The following PPP2R3A variants were observed in gnomAD, a reference collection of about 807,000 sequenced individuals.
PPP2R3A encodes the protein protein phosphatase 2 regulatory subunit B''alpha.
In PPP2R3A, 80 loss-of-function variants were observed where a neutral mutation model predicts 106.9. The ratio of observed to expected loss-of-function variants is 0.75; its 90% CI spans 0.62 to 0.90. The LOEUF (loss-of-function observed/expected upper bound fraction) is 0.90. Among genes scored for constraint, PPP2R3A ranks in the 40% least tolerant of loss-of-function variants. PPP2R3A has a pLI of 0.00. For synonymous variants in PPP2R3A, 483 were observed against 468.3 expected (o/e 1.03, Z -0.41); for missense variants, 1,386 against 1,350.4 (o/e 1.03, Z -0.41).
At chr3:136,096,179 AT>A (rs1001175126) in intron 10 of PPP2R3A, among the ~76,000 whole-genome samples, 4 of 152,188 alleles carry the variant, frequency 2.6e-5, no homozygotes, top group African/African-American at 9.7e-5. Flanking sequence ...CTTTCACCCC[AT>A]TGTAAAGTCA....
intron 6 of PPP2R3A, among the ~76,000 whole-genome samples, chr3:136,077,831 C>G (rs1171058521): frequency 6.6e-6 from 1 of 152,100 alleles, no homozygotes; most frequent in Admixed American, 6.5e-5. Flanking sequence ...TGTTCATGCC[C>G]AAATAAAAGT....
chr3:136,137,832 C>T (rs566509957), intron 13 of PPP2R3A, among the ~76,000 whole-genome samples: 5 of 151,262 alleles, frequency 3.3e-5, no homozygotes, highest in African/African-American at 9.7e-5. Context: ...TGAGCCACCG[C>T]GCCCGGCCTC....
At chr3:136,119,816 T>A (rs748705109) in intron 13 of PPP2R3A, among the ~76,000 whole-genome samples, 74 of 152,326 alleles carry the variant, frequency 4.9e-4, no homozygotes, top group Non-Finnish European at 6.5e-4. Flanking sequence ...CTCAAGGATC[T>A]AGAACTAGAA....
chr3:136,076,417 C>T (rs1157614757), intron 6 of PPP2R3A, among the ~76,000 whole-genome samples: 1 of 152,114 alleles, frequency 6.6e-6, no homozygotes, highest in African/African-American at 2.4e-5. Context: ...GTGGTTTTTG[C>T]ACATTATATA....
At chr3:135,998,659 C>T (rs566646808) in intron 1 of PPP2R3A, among the ~76,000 whole-genome samples, 16 of 152,074 alleles carry the variant, frequency 1.1e-4, no homozygotes, top group African/African-American at 2.9e-4. Flanking sequence ...AACTGGAGAG[C>T]TATGTAAAAT....
At chr3:136,021,076 G>A (rs999794157) in intron 2 of PPP2R3A, among the ~76,000 whole-genome samples, 4 of 152,196 alleles carry the variant, frequency 2.6e-5, no homozygotes, top group South Asian at 2.1e-4. Flanking sequence ...TTGGTGTTGG[G>A]AAGGAGAGGA....
intron 1 of PPP2R3A, among the ~76,000 whole-genome samples, chr3:135,983,844 T>C (rs990357208): frequency 3.9e-5 from 6 of 152,332 alleles, no homozygotes; most frequent in Admixed American, 1.3e-4. Context: ...ACTTACAAAG[T>C]TTGACAACAA....
chr3:136,113,588 CGA>C (rs1937632952), intron 13 of PPP2R3A, among the ~76,000 whole-genome samples: 2 of 152,012 alleles, frequency 1.3e-5, no homozygotes, highest in African/African-American at 4.8e-5. Context: ...GCTAGGAGTT[CGA>C]GACTAGCCTG....
intron 1 of PPP2R3A, among the ~76,000 whole-genome samples, chr3:135,990,924 G>T (rs1933133415): frequency 6.6e-6 from 1 of 152,116 alleles, no homozygotes; most frequent in Non-Finnish European, 1.5e-5. Flanking sequence ...ATGCTGTGTT[G>T]CCTTTGCCCC....
chr3:136,004,440 G>A (rs566465362), intron 2 of PPP2R3A, among the ~76,000 whole-genome samples: 86 of 152,242 alleles, frequency 5.6e-4, no homozygotes, highest in Non-Finnish European at 4.9e-4. Context: ...ACAAAGGGGT[G>A]ATGCTTTTAA....
At chr3:136,004,170 A>G (rs16843633) in intron 2 of PPP2R3A, among the ~76,000 whole-genome samples, 1,650 of 152,352 alleles carry the variant, frequency 0.011, 25 homozygotes, top group African/African-American at 0.037. Context: ...AGTATTTTCA[A>G]AAGTTTTTAA....
chr3:135,979,129 A>G (rs1937501627), intron 1 of PPP2R3A, among the ~76,000 whole-genome samples: 2 of 151,816 alleles, frequency 1.3e-5, no homozygotes, highest in Admixed American at 1.3e-4. Flanking sequence ...CTGTAATCCC[A>G]GCACTTTGGG....
chr3:135,983,572 G>A (rs890906254), intron 1 of PPP2R3A, among the ~76,000 whole-genome samples: 4 of 151,968 alleles, frequency 2.6e-5, no homozygotes, highest in African/African-American at 7.3e-5. Context: ...CAAATCCTAC[G>A]TTTTACTCTT....
chr3:136,012,472 A>G (rs6771997), intron 2 of PPP2R3A, among the ~76,000 whole-genome samples: 36,715 of 152,100 alleles, frequency 0.24, 5,057 homozygotes, highest in Non-Finnish European at 0.32. Context: ...GGTTTCCTCT[A>G]TCATACACAT....
At chr3:136,023,049 G>C in intron 2 of PPP2R3A, 3 of 1,612,368 alleles carry the variant, frequency 1.9e-6, no homozygotes, top group East Asian at 2.2e-5. Context: ...CAGTTGCGAA[G>C]TAAACATTTA....
At chr3:136,006,053 T>C (rs1933833511) in intron 2 of PPP2R3A, among the ~76,000 whole-genome samples, 1 of 152,202 alleles carries the variant, frequency 6.6e-6, no homozygotes, top group South Asian at 2.1e-4. Flanking sequence ...TAACACCTCA[T>C]GAGTGGGTTC....
chr3:135,973,354 A>G (rs1018276375), intron 1 of PPP2R3A, among the ~76,000 whole-genome samples: 14 of 152,210 alleles, frequency 9.2e-5, no homozygotes, highest in Non-Finnish European at 1.9e-4. Flanking sequence ...GGCATGCCAC[A>G]TAGAGCTTTC....
At chr3:136,111,414 GA>G (rs1255141262) in intron 13 of PPP2R3A, among the ~76,000 whole-genome samples, 1 of 151,900 alleles carries the variant, frequency 6.6e-6, no homozygotes, top group Non-Finnish European at 1.5e-5. Flanking sequence ...GTTATTAACT[GA>G]AAAAAATTGA....
chr3:136,131,237 G>A (rs1028675282), intron 13 of PPP2R3A, among the ~76,000 whole-genome samples: 25 of 152,136 alleles, frequency 1.6e-4, no homozygotes, highest in Non-Finnish European at 5.9e-5. Context: ...GCAACCTACA[G>A]AATGGGAGAA....
Sources: allele counts gnomAD v4.1 joint callset (sites outside exome capture counted in the v4.1 genomes callset), GRCh38; gene constraint gnomAD v4.1.1; transcripts MANE v1.5; gene names NCBI Gene and HGNC (gene_info 2026-07-23, HGNC 2026-07-21).